The following DPH6 variants were observed in gnomAD, a reference collection of about 807,000 sequenced individuals.
DPH6 encodes diphthamine biosynthesis 6.
A neutral mutation model predicts 38.2 loss-of-function variants in DPH6; 33 were observed. The observed-to-expected ratio is 0.86, with a 90% confidence interval of 0.65 to 1.15. DPH6 has a LOEUF of 1.15. DPH6 is among the 50% of genes most tolerant of loss of function. DPH6 has a pLI of 0.00. For missense variants in DPH6, 325 were observed against 320.0 expected (o/e 1.02, Z -0.12); for synonymous variants, 108 against 103.0 (o/e 1.05, Z -0.30).
chr15:35,415,589 C>T (rs1195486001), intron 5 of DPH6, among the ~76,000 whole-genome samples: 1 of 151,884 alleles, frequency 6.6e-6, no homozygotes, highest in Non-Finnish European at 1.5e-5. Flanking sequence ...ATTTGGGTTG[C>T]CTTTAAATAT....
chr15:35,299,813 C>G (rs1011740329), intron 3 of DPH6, among the ~76,000 whole-genome samples: 4 of 152,148 alleles, frequency 2.6e-5, no homozygotes, highest in Non-Finnish European at 5.9e-5. Flanking sequence ...TGAAAGTATT[C>G]TTTTTTGTGC....
At chr15:35,429,260 C>T (rs1446610985) in intron 5 of DPH6, among the ~76,000 whole-genome samples, 1 of 152,134 alleles carries the variant, frequency 6.6e-6, no homozygotes, top group African/African-American at 2.4e-5. Context: ...TGACTTTTCT[C>T]TTCAGTGCTA....
At chr15:35,230,620 C>T (rs1222260701) in intron 3 of DPH6, among the ~76,000 whole-genome samples, 1 of 152,102 alleles carries the variant, frequency 6.6e-6, no homozygotes, top group African/African-American at 2.4e-5. Context: ...GCTGAGTCTC[C>T]CATGAAACCA....
intron 3 of DPH6, among the ~76,000 whole-genome samples, chr15:35,342,097 G>GCTCCCTGGGGCCTCAGAATGA (rs2052426032): frequency 6.6e-6 from 1 of 152,208 alleles, no homozygotes; most frequent in Admixed American, 6.5e-5. Context: ...AACTTGTGAG[G>GCTCCCTGGGGCCTCAGAATGA]TGCTGTGGAA....
At chr15:35,413,600 GCTTT>G (rs1436542286) in intron 5 of DPH6, among the ~76,000 whole-genome samples, 1 of 151,414 alleles carries the variant, frequency 6.6e-6, no homozygotes, top group Non-Finnish European at 1.5e-5. Flanking sequence ...TGTGACACCA[GCTTT>G]CTTTTGCTAA....
chr15:35,216,515 ATAATT>A (rs754157081), downstream of DPH6, among the ~76,000 whole-genome samples: 5 of 152,192 alleles, frequency 3.3e-5, no homozygotes, highest in South Asian at 1.0e-3. Flanking sequence ...TTACTAATGA[ATAATT>A]TAATACTAGT....
chr15:35,349,072 T>C (rs1427113963), intron 3 of DPH6, among the ~76,000 whole-genome samples: 1 of 152,090 alleles, frequency 6.6e-6, no homozygotes, highest in Non-Finnish European at 1.5e-5. Flanking sequence ...ATCTCTAGGG[T>C]TTTCTATATA....
chr15:35,192,938 A>C, the DPH6 span, among the ~76,000 whole-genome samples: 1 of 152,228 alleles, frequency 6.6e-6, no homozygotes, highest in African/African-American at 2.4e-5. Flanking sequence ...TTGGAAGGGA[A>C]GGAAAGGAAA....
chr15:35,198,708 G>T, the DPH6 span, among the ~76,000 whole-genome samples: 1 of 152,152 alleles, frequency 6.6e-6, no homozygotes, highest in Admixed American at 6.5e-5. Context: ...GAAAGTAATA[G>T]TGTAACAGGC....
the DPH6 span, among the ~76,000 whole-genome samples, chr15:35,205,238 G>C: frequency 1.3e-5 from 2 of 151,906 alleles, no homozygotes; most frequent in African/African-American, 4.8e-5. Flanking sequence ...TATTGGTCCT[G>C]AGAGTTCTAT....
intron 3 of DPH6, among the ~76,000 whole-genome samples, chr15:35,511,762 A>G (rs950543795): frequency 6.6e-6 from 1 of 152,166 alleles, no homozygotes; most frequent in Non-Finnish European, 1.5e-5. Context: ...AGTACAAACA[A>G]AAATAGAGAG....
chr15:35,240,996 G>A (rs899184236), intron 3 of DPH6, among the ~76,000 whole-genome samples: 6 of 142,382 alleles, frequency 4.2e-5, no homozygotes, highest in African/African-American at 1.0e-4. Flanking sequence ...CGCCTGAACC[G>A]CAGCGGCCAG....
At position 35,317,402 on chromosome 15, in the gene DPH6, AAAAG is replaced by A. The variant is rs752098227; in HGVS notation, n.200+56115_200+56118del. Among the ~76,000 whole-genome samples the A allele has an allele frequency of 2.2e-3, 302 of 137,458 alleles. 2 individuals are homozygous for A. The highest frequency in any genetic ancestry group is 6.0e-3 in the African/African-American group (216 of 36,030). The allele number at this position is 137,458 out of a possible 152,430, so 90.2% of individuals were successfully genotyped here. On this transcript the variant is annotated intron_variant and non_coding_transcript_variant, in intron 3 of 3. Coordinates refer to the DPH6 transcript ENST00000560386. ...AAAGAAAAAGAAAGAAAAGGAAAGA[AAAAG>A]AAAGAAAGAAAGAGGAGGGAGGGAG... is the stretch of plus-strand genomic sequence containing the variant.
chr15:35,220,665 C>T (rs2051436774), intron 3 of DPH6: 1 of 152,124 alleles, frequency 6.6e-6, no homozygotes, highest in African/African-American at 2.4e-5. Flanking sequence ...TTAGTTCATT[C>T]ATAAGGGTGG....
intron 3 of DPH6, among the ~76,000 whole-genome samples, chr15:35,510,739 T>C (rs541606409): frequency 6.6e-6 from 1 of 152,300 alleles, no homozygotes; most frequent in Admixed American, 6.5e-5. Flanking sequence ...CCCTGATACA[T>C]GTCATCATTA....
intron 7 of DPH6, among the ~76,000 whole-genome samples, chr15:35,381,589 G>A (rs2052866022): frequency 6.6e-6 from 1 of 152,164 alleles, no homozygotes. Flanking sequence ...TAATCAGCAA[G>A]TAAACGAAAG....
intron 3 of DPH6, among the ~76,000 whole-genome samples, chr15:35,227,278 G>C (rs1264763519): frequency 7.5e-5 from 11 of 147,472 alleles, no homozygotes; most frequent in Non-Finnish European, 1.5e-4. Context: ...CCGCCTCCCG[G>C]GTTCATGCCA....
chr15:35,483,825 A>G (rs994049233), intron 3 of DPH6, among the ~76,000 whole-genome samples: 1 of 152,246 alleles, frequency 6.6e-6, no homozygotes, highest in African/African-American at 2.4e-5. Flanking sequence ...AATACAACAT[A>G]TTGGTATAAT....
chr15:35,447,051 A>G (rs1356042216), intron 5 of DPH6, among the ~76,000 whole-genome samples: 1 of 151,874 alleles, frequency 6.6e-6, no homozygotes, highest in Non-Finnish European at 1.5e-5. Context: ...TTGTATTTTC[A>G]GTAGAGATGG....
Sources: allele counts gnomAD v4.1 joint callset (sites outside exome capture counted in the v4.1 genomes callset), GRCh38; gene constraint gnomAD v4.1.1; transcripts MANE v1.5; gene names NCBI Gene and HGNC (gene_info 2026-07-23, HGNC 2026-07-21).